AKAP7: variants seen among roughly 807,000 people sequenced by gnomAD.
AKAP7 encodes the protein A kinase (PRKA) anchor protein 7.
AKAP7 carries 39 observed loss-of-function variants against 39.5 expected under a neutral mutation model. The observed-to-expected ratio is 0.99, with a 90% confidence interval of 0.76 to 1.29. The LOEUF (loss-of-function observed/expected upper bound fraction) is 1.29, where lower values mean the gene tolerates loss of function less well. Ranked by LOEUF, AKAP7 falls within the 50% of genes most tolerant of loss-of-function variation. The pLI is 0.00. For missense variants in AKAP7, 414 were observed against 407.7 expected (o/e 1.02, Z -0.13); for synonymous variants, 140 against 139.1 (o/e 1.01, Z -0.05).
At chr6:131,265,002 A>ATGGG (rs1226017935) in intron 7 of AKAP7, among the ~76,000 whole-genome samples, 2 of 152,194 alleles carry the variant, frequency 1.3e-5, no homozygotes, top group Non-Finnish European at 2.9e-5. Context: ...ACCTCCCACC[A>ATGGG]GGCCCCACCT....
At chr6:131,167,483 C>T (rs1273353773) in intron 4 of AKAP7, among the ~76,000 whole-genome samples, 9 of 152,056 alleles carry the variant, frequency 5.9e-5, no homozygotes, top group Admixed American at 5.2e-4. Flanking sequence ...TATAAATGAG[C>T]CAGGAATAGC....
chr6:131,271,498 A>G (rs1814276659), intron 7 of AKAP7, among the ~76,000 whole-genome samples: 1 of 152,054 alleles, frequency 6.6e-6, no homozygotes, highest in African/African-American at 2.4e-5. Context: ...TCTTCTAATC[A>G]TGTTCTTCTT....
rs117779226 is a variant in AKAP7 at position 131,150,769 on chromosome 6, T to C, written c.151+5353T>C. 6.8e-3 allele frequency among the ~76,000 whole-genome samples: 1,031 copies of C among 152,290 alleles called. 10 individuals carry two copies. The highest frequency in any genetic ancestry group is 0.012 in the Non-Finnish European group (795 of 68,030). ...TGTACTTTTTCCAGGCTCAAGTTCA[T>C]TCATTATCGATGACATTGACATTGG... On this transcript the variant is annotated intron_variant, in intron 2 of 7. Coordinates refer to ENST00000431975, the MANE Select transcript of AKAP7 (RefSeq NM_016377.4).
intron 7 of AKAP7, among the ~76,000 whole-genome samples, chr6:131,260,984 GT>G (rs1813269171): frequency 6.6e-6 from 1 of 152,058 alleles, no homozygotes; most frequent in South Asian, 2.1e-4. Context: ...ATCACCTGAG[GT>G]TGGGAGTTTG....
intron 7 of AKAP7, among the ~76,000 whole-genome samples, chr6:131,256,380 C>T (rs917815520): frequency 2.0e-5 from 3 of 152,118 alleles, no homozygotes; most frequent in African/African-American, 7.2e-5. Context: ...CTTATCTTAC[C>T]TTCCTGATTC....
At chr6:131,170,064 A>C (rs907899544) in intron 5 of AKAP7, among the ~76,000 whole-genome samples, 13 of 148,076 alleles carry the variant, frequency 8.8e-5, no homozygotes, top group Admixed American at 2.0e-4. Flanking sequence ...AAAGCAATGT[A>C]ATAATAACCT....
At chr6:131,135,199 G>C (rs1011057352), upstream of AKAP7, among the ~76,000 whole-genome samples, 1 of 152,228 alleles carries the variant, frequency 6.6e-6, no homozygotes, top group African/African-American at 2.4e-5. Flanking sequence ...CCAGGCCAGA[G>C]AATTCTTTCA....
At chr6:131,273,567 T>C (rs1478411741) in intron 7 of AKAP7, among the ~76,000 whole-genome samples, 1 of 152,232 alleles carries the variant, frequency 6.6e-6, no homozygotes, top group African/African-American at 2.4e-5. Context: ...ACTTCACGTT[T>C]AACAGAAGAA....
At chr6:131,220,203 A>G (rs1809578116) in intron 7 of AKAP7, among the ~76,000 whole-genome samples, 2 of 152,234 alleles carry the variant, frequency 1.3e-5, no homozygotes, top group Non-Finnish European at 2.9e-5. Flanking sequence ...TTCCAGCCAG[A>G]AAGTTTCACC....
intron 7 of AKAP7, among the ~76,000 whole-genome samples, chr6:131,274,848 G>A (rs1045154567): frequency 7.2e-5 from 11 of 152,016 alleles, no homozygotes; most frequent in African/African-American, 1.4e-4. Context: ...CCTTTCTTAT[G>A]TCTGGAAACC....
At chr6:131,180,632 A>C (rs887392536) in intron 5 of AKAP7, among the ~76,000 whole-genome samples, 1 of 152,076 alleles carries the variant, frequency 6.6e-6, no homozygotes, top group Non-Finnish European at 1.5e-5. Flanking sequence ...ATCTGTCTTT[A>C]GTTCATTACT....
chr6:131,190,737 A>G (rs1021799859), intron 5 of AKAP7, among the ~76,000 whole-genome samples: 6 of 152,186 alleles, frequency 3.9e-5, no homozygotes, highest in Non-Finnish European at 7.3e-5. Context: ...AATAAACATT[A>G]GGTAGTAAAG....
In AKAP7 at chr6:131,282,690, T is replaced by C; in HGVS notation, c.*964T>C. On this transcript the variant is annotated 3_prime_UTR_variant, in exon 8 of 8. Coordinates refer to ENST00000431975, the MANE Select transcript of AKAP7 (RefSeq NM_016377.4). ...CTTTGGTAAACACCAAAGAAGTTTC[T>C]GATAGTGTCTGCACAACAGCAAACC... 8.6e-7 allele frequency: 1 copy of C among 1,164,510 alleles called. No individual in the cohort carries two copies. Among genetic ancestry groups the C allele is most frequent in the Non-Finnish European group, 1.2e-6 (1 of 842,174 alleles). 72.1% of individuals were successfully genotyped at this position (1,164,510 alleles called of 1,614,324 possible). A position where few individuals can be genotyped will look rare whatever the true frequency, so the allele number is the denominator to read the frequency against.
intron 2 of AKAP7, among the ~76,000 whole-genome samples, chr6:131,146,626 C>T (rs1233477208): frequency 2.0e-5 from 3 of 152,158 alleles, no homozygotes; most frequent in Non-Finnish European, 4.4e-5. Context: ...TGACTACATA[C>T]TCTGCGCCAT....
chr6:131,277,904 G>A (rs1814876100), intron 7 of AKAP7, among the ~76,000 whole-genome samples: 1 of 152,108 alleles, frequency 6.6e-6, no homozygotes, highest in South Asian at 2.1e-4. Context: ...TTGTCCCATA[G>A]GTCAGATATT....
At chr6:131,274,612 ACAG>A (rs774792932) in intron 7 of AKAP7, among the ~76,000 whole-genome samples, 4 of 152,168 alleles carry the variant, frequency 2.6e-5, no homozygotes, top group Non-Finnish European at 5.9e-5. Context: ...AGCTGGGACT[ACAG>A]GTGCATGCCA....
At chr6:131,157,864 A>T (rs2128236267) in intron 2 of AKAP7, among the ~76,000 whole-genome samples, 1 of 152,236 alleles carries the variant, frequency 6.6e-6, no homozygotes, top group East Asian at 1.9e-4. Context: ...GATGAAATAG[A>T]TGCACGAACA....
chr6:131,137,931 C>T (rs1407452821), intron 1 of AKAP7, among the ~76,000 whole-genome samples: 1 of 152,162 alleles, frequency 6.6e-6, no homozygotes, highest in Non-Finnish European at 1.5e-5. Context: ...AGAGCATATG[C>T]AATTTTATAT....
Position 131,165,113 on chromosome 6 carries a change from A to G in AKAP7, c.324A>G (p.Ala108=). The G allele has an allele frequency of 6.2e-7, 1 of 1,611,732 alleles. No individual in the cohort carries two copies. Among genetic ancestry groups the G allele is most frequent in the Non-Finnish European group, 8.5e-7 (1 of 1,178,636 alleles). The change falls in exon 4 of 8, where the codon GCA becomes GCG. Residue 108 remains alanine (A), a synonymous_variant. Coordinates refer to ENST00000431975, the MANE Select transcript of AKAP7 (RefSeq NM_016377.4). ...IIKGIKILQN[A]IIQQDERLAK... ...AAGGAATTAAGATCCTGCAGAATGC[A>G]ATAATACAACAAGATGAGCGACTGG...
Sources: gnomAD v4.1 joint callset for allele counts (sites outside exome capture counted in the v4.1 genomes callset) on GRCh38, gnomAD v4.1.1 for gene constraint, MANE v1.5 for transcripts, NCBI Gene and HGNC (gene_info 2026-07-23, HGNC 2026-07-21) for gene names.